The following E2F5 variants were observed in gnomAD, a reference collection of about 807,000 sequenced individuals.
E2F5 encodes E2F transcription factor 5, also known as transcription factor E2F5.
A neutral mutation model predicts 39.1 loss-of-function variants in E2F5; 23 were observed. The ratio of observed to expected loss-of-function variants is 0.59; its 90% CI spans 0.42 to 0.83. The LOEUF is 0.83. E2F5 is among the 40% of genes least tolerant of loss of function. E2F5 has a pLI of 0.00. For synonymous variants in E2F5, 145 were observed against 157.8 expected (o/e 0.92, Z 0.61); for missense variants, 365 against 406.7 (o/e 0.90, Z 0.88).
intron 1 of E2F5, among the ~76,000 whole-genome samples, chr8:85,191,904 A>ATCT (rs1429136491): frequency 6.6e-6 from 1 of 152,238 alleles, no homozygotes; most frequent in Non-Finnish European, 1.5e-5. Context: ...CTAGTCAGCA[A>ATCT]GACAGTGTAT....
chr8:85,178,359 C>CA (rs1301345980), intron 1 of E2F5, among the ~76,000 whole-genome samples: 1 of 152,102 alleles, frequency 6.6e-6, no homozygotes, highest in Non-Finnish European at 1.5e-5. Flanking sequence ...TTACAACTTT[C>CA]ACCCAAAGAG....
At chr8:85,202,045 A>C in intron 1 of E2F5, 102 bp from the exon 2 acceptor site, 1 of 950,900 alleles carries the variant, frequency 1.1e-6, no homozygotes, top group East Asian at 2.6e-5. Flanking sequence ...GAGTGGGTCA[A>C]ATTTGAGATT....
chr8:85,214,263 G>A lies in E2F5; in HGVS notation c.*401G>A, dbSNP rs1587506792. On this transcript the variant is annotated 3_prime_UTR_variant, in exon 8 of 8. Coordinates refer to ENST00000416274, the MANE Select transcript of E2F5 (RefSeq NM_001951.4). ...CACTAAACTGCCTGTATTTCTGTATGTCCTTCTATCCAAACAGACGTTCAC... is the reference window on the plus strand; with the variant it reads ...CACTAAACTGCCTGTATTTCTGTATATCCTTCTATCCAAACAGACGTTCAC... 5.3e-6 allele frequency: 3 copies of A among 562,814 alleles called. No individual in the cohort carries two copies. Among genetic ancestry groups the A allele is most frequent in the South Asian group, 1.6e-5 (1 of 62,950 alleles). 34.9% of individuals were successfully genotyped at this position (562,814 alleles called of 1,614,324 possible).
intron 1 of E2F5, among the ~76,000 whole-genome samples, chr8:85,180,721 G>T (rs1812194127): frequency 6.7e-6 from 1 of 149,878 alleles, no homozygotes; most frequent in African/African-American, 2.5e-5. Flanking sequence ...GGGACTACAG[G>T]CACCCGCCAT....
intron 1 of E2F5, among the ~76,000 whole-genome samples, chr8:85,189,325 G>A (rs1253735260): frequency 6.6e-6 from 1 of 151,916 alleles, no homozygotes; most frequent in East Asian, 1.9e-4. Flanking sequence ...CCCATTTCTT[G>A]CAACTTTTTA....
chr8:85,192,725 T>C (rs1812491902), intron 1 of E2F5, among the ~76,000 whole-genome samples: 1 of 152,260 alleles, frequency 6.6e-6, no homozygotes, highest in Non-Finnish European at 1.5e-5. Flanking sequence ...TTTAAGTCCT[T>C]TACTTAATGT....
intron 5 of E2F5, among the ~76,000 whole-genome samples, chr8:85,208,388 G>C (rs991133977): frequency 1.3e-5 from 2 of 152,144 alleles, no homozygotes; most frequent in African/African-American, 4.8e-5. Context: ...TGAGGAAAAA[G>C]TTCAATGTAC....
chr8:85,186,290 G>A (rs1377786240), intron 1 of E2F5, among the ~76,000 whole-genome samples: 2 of 151,866 alleles, frequency 1.3e-5, no homozygotes, highest in East Asian at 1.9e-4. Context: ...GTTCTCACTC[G>A]TAAGTGGGAG....
At chr8:85,198,737 T>C (rs1812632049) in intron 1 of E2F5, among the ~76,000 whole-genome samples, 1 of 152,220 alleles carries the variant, frequency 6.6e-6, no homozygotes, top group South Asian at 2.1e-4. Flanking sequence ...CCTTCCCTTA[T>C]ATGCTCACCT....
intron 7 of E2F5, 191 bp from the exon 8 acceptor site, chr8:85,213,554 AAAAAAAAG>A: frequency 3.6e-6 from 1 of 275,982 alleles, no homozygotes; most frequent in Non-Finnish European, 6.8e-6. Context: ...AAAAAAAAAA[AAAAAAAAG>A]AAAAAATTAA....
chr8:85,181,404 C>G (rs929924494), intron 1 of E2F5, among the ~76,000 whole-genome samples: 1 of 151,662 alleles, frequency 6.6e-6, no homozygotes, highest in Admixed American at 6.6e-5. Context: ...GATCTCCACT[C>G]GCTGCAAGCT....
Position 85,209,339 on chromosome 8 carries a change from T to C in E2F5, c.813T>C (p.Asn271=), listed in dbSNP as rs748296161. The C allele has an allele frequency of 6.2e-7, 1 of 1,613,964 alleles. No individual in the cohort carries two copies. Among genetic ancestry groups the C allele is most frequent in the Non-Finnish European group, 8.5e-7 (1 of 1,179,878 alleles). The change falls in exon 6 of 8, where the codon AAT becomes AAC. Residue 271 remains asparagine, a synonymous_variant. Transcript: ENST00000416274. ...AGAAATCCAGCATGGCAACTCAAAA[T>C]CTGCCTGAGCAACATGTCTCTGAAA... ...TPQKSSMATQ[N]LPEQHVSERS...
intron 1 of E2F5, among the ~76,000 whole-genome samples, chr8:85,184,736 A>C (rs1484286456): frequency 2.0e-5 from 3 of 152,240 alleles, no homozygotes; most frequent in Admixed American, 2.0e-4. Flanking sequence ...ACAAAGAGCC[A>C]AATCATGAGT....
At chr8:85,202,443 A>G (rs2278459) in intron 2 of E2F5, among the ~76,000 whole-genome samples, 187 bp downstream of exon 2, 112,783 of 152,018 alleles carry the variant, frequency 0.74, 42,473 homozygotes, top group African/African-American at 0.78. Context: ...TCTCTTGGAT[A>G]TTGGGTTTTC....
At chr8:85,198,281 C>G (rs150778721) in intron 1 of E2F5, among the ~76,000 whole-genome samples, 1 of 152,126 alleles carries the variant, frequency 6.6e-6, no homozygotes, top group Non-Finnish European at 1.5e-5. Context: ...AATGATTCCT[C>G]TTTCTTTACC....
chr8:85,181,395 A>C (rs1812209706), intron 1 of E2F5, among the ~76,000 whole-genome samples: 1 of 151,080 alleles, frequency 6.6e-6, no homozygotes, highest in Non-Finnish European at 1.5e-5. Context: ...CAGTGTCGCG[A>C]TCTCCACTCG....
chr8:85,205,565 G>A (rs1812786784), intron 3 of E2F5, among the ~76,000 whole-genome samples: 3 of 151,950 alleles, frequency 2.0e-5, no homozygotes, highest in South Asian at 4.2e-4. Flanking sequence ...TGGGTGGCGT[G>A]AGCCACCATG....
chr8:85,207,205 C>G (rs550130233), intron 4 of E2F5, among the ~76,000 whole-genome samples: 1 of 152,218 alleles, frequency 6.6e-6, no homozygotes, highest in African/African-American at 2.4e-5. Context: ...ATACAGCTAA[C>G]CCATGTATAA....
rs762717885 is a variant in E2F5 at position 85,214,167 on chromosome 8, GT to G, written c.*307del. ...CTGTTTTTTCTTCTTAAGGAGGAAA[GT>G]TAAAGGACACTACAGGTCATCAAAA... On this transcript the variant is annotated 3_prime_UTR_variant, in exon 8 of 8. Coordinates refer to ENST00000416274, the MANE Select transcript of E2F5 (RefSeq NM_001951.4). 1.9e-6 allele frequency: 1 copy of G among 536,922 alleles called. No homozygotes were observed. The highest frequency in any genetic ancestry group is 1.5e-5 in the South Asian group (1 of 64,844). 33.3% of individuals were successfully genotyped at this position (536,922 alleles called of 1,614,324 possible).
Sources: allele counts gnomAD v4.1 joint callset (sites outside exome capture counted in the v4.1 genomes callset), GRCh38; gene constraint gnomAD v4.1.1; transcripts MANE v1.5; gene names NCBI Gene and HGNC (gene_info 2026-07-23, HGNC 2026-07-21).